Variants in VSIG4 observed in about 807,000 individuals in gnomAD.
VSIG4 encodes the protein V-set and immunoglobulin domain containing 4.
A neutral mutation model predicts 23.4 loss-of-function variants in VSIG4; 34 were observed. The observed-to-expected ratio is 1.45, with a 90% CI of 1.10 to 1.93. The LOEUF (loss-of-function observed/expected upper bound fraction) is 1.93, where lower values mean the gene tolerates loss of function less well. Among genes scored for constraint, VSIG4 ranks in the 30% most tolerant of loss-of-function variants. The pLI is 0.00. For missense variants in VSIG4, 433 were observed against 310.8 expected (o/e 1.39, Z -2.96); for synonymous variants, 169 against 120.3 (o/e 1.41, Z -2.65).
chrX:66,039,841 C>T (rs2085663002), intron 1 of VSIG4, 103 bp downstream of exon 1: 1 of 988,373 alleles, frequency 1.0e-6, no homozygotes, highest in East Asian at 3.3e-5. Flanking sequence ...AGAAGACTCA[C>T]CTGCCCAGTA....
intron 6 of VSIG4, 56 bp downstream of exon 6, chrX:66,024,969 T>C: frequency 1.1e-6 from 1 of 906,069 alleles, no homozygotes. Context: ...TAGGCTCAAG[T>C]ATACTGACAG....
intron 6 of VSIG4, 115 bp from the exon 7 acceptor site, chrX:66,022,977 AAT>A: frequency 1.2e-6 from 1 of 826,518 alleles, no homozygotes; most frequent in Non-Finnish European, 1.8e-6. Flanking sequence ...AGGGGATTTT[AAT>A]ATGTCTTAGC....
intron 1 of VSIG4, among the ~76,000 whole-genome samples, chrX:66,036,960 TTATATA>T (rs1319842621): frequency 8.3e-5 from 3 of 36,240 alleles, no homozygotes; most frequent in African/African-American, 5.6e-4. Flanking sequence ...TTATATTATA[TTATATA>T]ATATATAATA....
chrX:66,039,896 C>T (rs772165687), intron 1 of VSIG4, 48 bp downstream of exon 1: 1 of 1,199,515 alleles, frequency 8.3e-7, no homozygotes, highest in East Asian at 3.0e-5. Flanking sequence ...ACCCTCTAGC[C>T]TTTTGCCTAA....
At chrX:66,038,780 C>T (rs1311970679) in intron 1 of VSIG4, among the ~76,000 whole-genome samples, 1 of 111,328 alleles carries the variant, frequency 9.0e-6, no homozygotes, top group Non-Finnish European at 1.9e-5. Flanking sequence ...TCTTTTCTAA[C>T]TCTGAGGTTC....
chrX:66,031,749 A>G (rs930034042), intron 3 of VSIG4, among the ~76,000 whole-genome samples: 1 of 111,334 alleles, frequency 9.0e-6, no homozygotes, highest in African/African-American at 3.3e-5. Context: ...TACAGTCTTT[A>G]TATGCATAGT....
chrX:66,038,209 G>A (rs1012757663), intron 1 of VSIG4, among the ~76,000 whole-genome samples: 3 of 111,563 alleles, frequency 2.7e-5, no homozygotes, highest in Non-Finnish European at 5.6e-5. Context: ...TACTCTGGCC[G>A]CTACAGGGTT....
intron 1 of VSIG4, among the ~76,000 whole-genome samples, 198 bp downstream of exon 1, chrX:66,039,746 A>G (rs943578713): frequency 8.9e-6 from 1 of 112,481 alleles, no homozygotes; most frequent in Non-Finnish European, 1.9e-5. Flanking sequence ...ATTTCTGCCC[A>G]AACTTGCCTT....
chrX:66,037,347 T>G (rs2085610643), intron 1 of VSIG4, among the ~76,000 whole-genome samples: 1 of 33,443 alleles, frequency 3.0e-5, no homozygotes, highest in African/African-American at 1.9e-4. Context: ...TAATATAATA[T>G]ATAATATATA....
intron 3 of VSIG4, among the ~76,000 whole-genome samples, chrX:66,031,538 C>T (rs1383836134): frequency 1.8e-5 from 2 of 110,607 alleles, no homozygotes; most frequent in Non-Finnish European, 3.8e-5. Flanking sequence ...GGTTTACGCC[C>T]TCTCCTTACA....
intron 1 of VSIG4, 109 bp downstream of exon 1, chrX:66,039,835 G>C: frequency 1.1e-6 from 1 of 922,932 alleles, no homozygotes; most frequent in Non-Finnish European, 1.5e-6. Context: ...TGGCTGAGAA[G>C]ACTCACCTGC....
intron 3 of VSIG4, among the ~76,000 whole-genome samples, chrX:66,032,050 C>T (rs2085469945): frequency 9.0e-6 from 1 of 111,664 alleles, no homozygotes; most frequent in Non-Finnish European, 1.9e-5. Flanking sequence ...AGCATGAAAT[C>T]TGAGTACAAA....
chrX:66,038,591 G>A lies in VSIG4; in HGVS notation c.55+1353C>T, dbSNP rs369632431. ...ATGCTCCCTCAAGCCCCAGGCTTAA[G>A]CCCTAGCTCAAACCAACAGACTTGG... On this transcript the variant is annotated intron_variant, in intron 1 of 7. Transcript: ENST00000374737. Among the ~76,000 whole-genome samples, 3 of 111,491 alleles carry A rather than the reference G, an allele frequency of 2.7e-5. No homozygotes were observed. In the East Asian group the frequency reaches 8.4e-4, roughly 31 times the overall value.
Position 66,026,964 on chromosome X carries a change from T to C in VSIG4, c.835+485A>G, listed in dbSNP as rs745893480. On this transcript the variant is annotated intron_variant, in intron 5 of 7. Coordinates refer to ENST00000374737, the MANE Select transcript of VSIG4 (RefSeq NM_007268.3). ...GAAGGCATACCAACTGACTATCAGA[T>C]GCAGGTGAAACACAAAAGATTTATT... is the stretch of plus-strand genomic sequence containing the variant. 2.7e-5 allele frequency among the ~76,000 whole-genome samples: 3 copies of C among 111,622 alleles called. No individual in the cohort carries two copies. In the East Asian group the frequency reaches 8.4e-4, roughly 31 times the overall value.
chrX:66,033,534 G>T lies in VSIG4; in HGVS notation c.352C>A (p.Gln118Lys), dbSNP rs1229518060. ...RSHYTCEVTW[Q>K]TPDGNQVVRD... Reference sequence around the variant, plus strand: ...ACGACTTGGTTGCCATCAGGAGTCTGCCAGGTGACTTCACACGTGTAGTGG... The same window carrying T: ...ACGACTTGGTTGCCATCAGGAGTCTTCCAGGTGACTTCACACGTGTAGTGG... Residue 118 changes from glutamine (Q) to lysine (K), a missense_variant, in exon 2 of 8, where the codon CAG (glutamine) becomes AAG (lysine). Gln to Lys is a moderately conservative substitution (Grantham distance 53, BLOSUM62 1). Transcript: ENST00000374737. The T allele has an allele frequency of 1.7e-6, 2 of 1,211,496 alleles. No individual in the cohort carries two copies. The highest frequency in any genetic ancestry group is 2.2e-5 in the Admixed American group (1 of 46,013).
At position 66,022,826 on chromosome X, in the gene VSIG4, G is replaced by A. The variant is rs1406022538; in HGVS notation, c.962+15C>T. ...AGGGACGGGGTCAAAAATGGAAGAGGAGAGACTTTCTTACCTGGCTGCTTC... is the reference window on the plus strand; with the variant it reads ...AGGGACGGGGTCAAAAATGGAAGAGAAGAGACTTTCTTACCTGGCTGCTTC... On this transcript the variant is annotated intron_variant, in intron 7 of 7. Transcript: ENST00000374737. The A allele has an allele frequency of 2.5e-6, 3 of 1,210,100 alleles. No individual in the cohort carries two copies. In the East Asian group the frequency reaches 8.9e-5, roughly 36 times the overall value.
At chrX:66,024,787 A>G (rs955510577) in intron 6 of VSIG4, among the ~76,000 whole-genome samples, 2 of 111,671 alleles carry the variant, frequency 1.8e-5, no homozygotes, top group Admixed American at 1.9e-4. Flanking sequence ...TTACAAGATG[A>G]CTCGTTAGAA....
chrX:66,023,032 A>T (rs1380200602), intron 6 of VSIG4, among the ~76,000 whole-genome samples, 170 bp from the exon 7 acceptor site: 1 of 111,436 alleles, frequency 9.0e-6, no homozygotes, highest in African/African-American at 3.3e-5. Flanking sequence ...ATTGAAACAC[A>T]GAGATGCAAA....
Position 66,022,199 on chromosome X carries a change from C to T in VSIG4, c.*64G>A, listed in dbSNP as rs778541843. 4.1e-6 allele frequency: 5 copies of T among 1,211,196 alleles called. No individual in the cohort carries two copies. The highest frequency in any genetic ancestry group is 4.5e-6 in the Non-Finnish European group (4 of 895,180). ...GGAAGAGAGGTAGCAGGGAAGAAGGCCATGCAGAAGGCAAGGACTGACTAG... is the reference window on the plus strand; with the variant it reads ...GGAAGAGAGGTAGCAGGGAAGAAGGTCATGCAGAAGGCAAGGACTGACTAG... On this transcript the variant is annotated 3_prime_UTR_variant, in exon 8 of 8. Coordinates refer to ENST00000374737, the MANE Select transcript of VSIG4 (RefSeq NM_007268.3).
Sources: allele counts gnomAD v4.1 joint callset (sites outside exome capture counted in the v4.1 genomes callset), GRCh38; gene constraint gnomAD v4.1.1; transcripts MANE v1.5; gene names NCBI Gene and HGNC (gene_info 2026-07-23, HGNC 2026-07-21).